ARHGAP28: variants seen among roughly 807,000 people sequenced by gnomAD.
ARHGAP28 encodes rho GTPase-activating protein 28.
In ARHGAP28, 56 loss-of-function variants were observed where a neutral mutation model predicts 90.7. That is an observed-to-expected ratio of 0.62 (90% CI 0.50 to 0.77). The LOEUF (loss-of-function observed/expected upper bound fraction) is 0.77. Among genes scored for constraint, ARHGAP28 ranks in the 30% least tolerant of loss-of-function variants. ARHGAP28 has a pLI of 0.00. For synonymous variants in ARHGAP28, 308 were observed against 323.3 expected (o/e 0.95, Z 0.51); for missense variants, 869 against 900.9 (o/e 0.96, Z 0.45).
chr18:6,784,725 C>T (rs1410195637), intron 1 of ARHGAP28, among the ~76,000 whole-genome samples: 2 of 152,192 alleles, frequency 1.3e-5, no homozygotes, highest in Non-Finnish European at 2.9e-5. Context: ...GAAACAAAGG[C>T]CAAAGTTATC....
intron 5 of ARHGAP28, among the ~76,000 whole-genome samples, chr18:6,866,694 C>A (rs758546888): frequency 2.0e-5 from 3 of 152,104 alleles, no homozygotes; most frequent in Non-Finnish European, 2.9e-5. Flanking sequence ...TTTCTGCTTC[C>A]CCCAAGAAAG....
At chr18:6,827,788 G>A (rs531117722) in intron 2 of ARHGAP28, among the ~76,000 whole-genome samples, 5 of 151,774 alleles carry the variant, frequency 3.3e-5, no homozygotes, top group East Asian at 2.0e-4. Context: ...CTTCTCAGAC[G>A]GGGCGGCCGG....
At chr18:6,813,616 G>A (rs925723994) in intron 1 of ARHGAP28, among the ~76,000 whole-genome samples, 9 of 151,892 alleles carry the variant, frequency 5.9e-5, no homozygotes, top group African/African-American at 2.2e-4. Context: ...TACATTAAGG[G>A]GACAAAAAGG....
chr18:6,828,019 T>C (rs2056686183), intron 2 of ARHGAP28, among the ~76,000 whole-genome samples: 1 of 152,004 alleles, frequency 6.6e-6, no homozygotes, highest in African/African-American at 2.4e-5. Context: ...GTGGAGGTTG[T>C]AGCGAGCCGA....
intron 11 of ARHGAP28, among the ~76,000 whole-genome samples, chr18:6,882,876 C>T (rs1354673306): frequency 6.6e-6 from 1 of 151,960 alleles, no homozygotes. Flanking sequence ...GGCAAAAGCA[C>T]AAAAATTATA....
intron 9 of ARHGAP28, among the ~76,000 whole-genome samples, chr18:6,875,881 C>T (rs1166387998): frequency 6.6e-6 from 1 of 152,190 alleles, no homozygotes; most frequent in Non-Finnish European, 1.5e-5. Context: ...GAACTTGAGT[C>T]AGTGCCGTTA....
chr18:6,760,123 C>T (rs536062794), intron 1 of ARHGAP28, among the ~76,000 whole-genome samples: 4 of 152,286 alleles, frequency 2.6e-5, no homozygotes, highest in South Asian at 2.1e-4. Flanking sequence ...CACACACACA[C>T]ACACAAACTA....
At chr18:6,823,145 A>C (rs1284698129) in intron 1 of ARHGAP28, among the ~76,000 whole-genome samples, 8 of 152,148 alleles carry the variant, frequency 5.3e-5, no homozygotes, top group Non-Finnish European at 1.5e-5. Context: ...AAAGACAAGA[A>C]GGCAAGCTTG....
intron 2 of ARHGAP28, among the ~76,000 whole-genome samples, chr18:6,827,261 C>T (rs1245132412): frequency 2.0e-5 from 3 of 151,584 alleles, no homozygotes; most frequent in African/African-American, 7.3e-5. Flanking sequence ...CCAGTAGGGG[C>T]GGCCGGGCTG....
chr18:6,781,765 T>C (rs879278708), intron 1 of ARHGAP28, among the ~76,000 whole-genome samples: 4 of 152,240 alleles, frequency 2.6e-5, no homozygotes, highest in Non-Finnish European at 5.9e-5. Flanking sequence ...TTTTTTCCTC[T>C]GCAAATTCTT....
At chr18:6,808,243 G>T (rs1204227848) in intron 1 of ARHGAP28, among the ~76,000 whole-genome samples, 1 of 151,930 alleles carries the variant, frequency 6.6e-6, no homozygotes, top group Non-Finnish European at 1.5e-5. Context: ...TCTACTCATT[G>T]GAGGTATTAT....
chr18:6,822,251 C>T (rs1418704235), intron 1 of ARHGAP28, among the ~76,000 whole-genome samples: 1 of 151,862 alleles, frequency 6.6e-6, no homozygotes, highest in African/African-American at 2.4e-5. Context: ...ATAAGTCAAG[C>T]ATATTTATTT....
At position 6,851,103 on chromosome 18, in the gene ARHGAP28, G is replaced by T; in HGVS notation, c.613G>T (p.Val205Phe). Reference protein sequence around the residue: ...GTKEERELPRVIKTSGSMPDD... With the variant: ...GTKEERELPRFIKTSGSMPDD... ...CAAGGAAGAAAGAGAGCTTCCAAGA[G>T]TTATCAAGACAAGTGGTTCCATGGT... is the stretch of plus-strand genomic sequence containing the variant. The change falls in exon 4 of 18, where the codon GTT (valine) becomes TTT (phenylalanine). Residue 205 changes from valine (V) to phenylalanine (F), a missense_variant. By Grantham distance (50) the Val-to-Phe change is conservative (BLOSUM62 -1). Coordinates refer to ENST00000383472, the MANE Select transcript of ARHGAP28 (RefSeq NM_001366230.1). 1 of 1,614,134 alleles carries T rather than the reference G, an allele frequency of 6.2e-7. No individual in the cohort carries two copies. Among genetic ancestry groups the T allele is most frequent in the Non-Finnish European group, 8.5e-7 (1 of 1,179,986 alleles).
intron 5 of ARHGAP28, among the ~76,000 whole-genome samples, chr18:6,864,130 A>C (rs2057019773): frequency 6.6e-6 from 1 of 151,998 alleles, no homozygotes; most frequent in African/African-American, 2.4e-5. Flanking sequence ...CAGTGGTGCG[A>C]TCTTGGCTCA....
chr18:6,756,603 T>A (rs2056112051), intron 1 of ARHGAP28, among the ~76,000 whole-genome samples: 1 of 152,158 alleles, frequency 6.6e-6, no homozygotes, highest in Non-Finnish European at 1.5e-5. Flanking sequence ...GAATAGGATA[T>A]ATGTATATAT....
rs542460069 is a variant in ARHGAP28, at chr18:6,807,814, A to C, written c.123-16948A>C. 1.3e-3 allele frequency among the ~76,000 whole-genome samples: 192 copies of C among 152,284 alleles called. 2 individuals are homozygous for C. Among genetic ancestry groups the C allele is most frequent in the African/African-American group, 4.0e-3 (165 of 41,558 alleles). On this transcript the variant is annotated intron_variant, in intron 1 of 17. Transcript: ENST00000383472. ...GATCTCTCTTCACCAGTATCCTGTTATGTGAGCTCCAGGGCTTCCTTGATT... is the reference window on the plus strand; with the variant it reads ...GATCTCTCTTCACCAGTATCCTGTTCTGTGAGCTCCAGGGCTTCCTTGATT...
chr18:6,769,668 C>T (rs980284300), intron 1 of ARHGAP28, among the ~76,000 whole-genome samples: 10 of 152,316 alleles, frequency 6.6e-5, no homozygotes, highest in South Asian at 2.1e-4. Context: ...TTTGCACCCA[C>T]GTCCTTTTCA....
intron 16 of ARHGAP28, among the ~76,000 whole-genome samples, chr18:6,908,231 G>T (rs905663917): frequency 6.6e-6 from 1 of 151,956 alleles, no homozygotes; most frequent in African/African-American, 2.4e-5. Context: ...TCCTCTTCCC[G>T]GGTTCAAGCA....
intron 1 of ARHGAP28, among the ~76,000 whole-genome samples, chr18:6,800,129 T>G (rs549181928): frequency 2.9e-4 from 44 of 152,162 alleles, no homozygotes; most frequent in Non-Finnish European, 5.0e-4. Flanking sequence ...CACTGGTCAT[T>G]AGAGAAATGC....
Sources: gnomAD v4.1 joint callset for allele counts (sites outside exome capture counted in the v4.1 genomes callset) on GRCh38, gnomAD v4.1.1 for gene constraint, MANE v1.5 for transcripts, NCBI Gene and HGNC (gene_info 2026-07-23, HGNC 2026-07-21) for gene names.